The following AOAH variants were observed in gnomAD, a reference collection of about 807,000 sequenced individuals.
AOAH encodes acyloxyacyl hydrolase (neutrophil).
A neutral mutation model predicts 92.2 loss-of-function variants in AOAH; 64 were observed. The observed-to-expected ratio is 0.69, with a 90% CI of 0.57 to 0.86. AOAH has a LOEUF of 0.86. Among genes scored for constraint, AOAH ranks in the 40% least tolerant of loss-of-function variants. The pLI is 0.00. For synonymous variants in AOAH, 263 were observed against 254.5 expected (o/e 1.03, Z -0.32); for missense variants, 656 against 694.6 (o/e 0.94, Z 0.62).
intron 16 of AOAH, 58 bp downstream of exon 16, chr7:36,540,261 C>A: frequency 4.1e-6 from 6 of 1,448,904 alleles, no homozygotes; most frequent in Non-Finnish European, 4.7e-6. Context: ...ACCATATATA[C>A]ATTGAACTGT....
intron 1 of AOAH, among the ~76,000 whole-genome samples, chr7:36,718,523 A>G (rs912477601): frequency 6.6e-6 from 1 of 152,242 alleles, no homozygotes; most frequent in Non-Finnish European, 1.5e-5. Flanking sequence ...TAGCAGAATT[A>G]TTCATAATTA....
At chr7:36,592,428 T>C (rs1478166480) in intron 12 of AOAH, among the ~76,000 whole-genome samples, 3 of 152,126 alleles carry the variant, frequency 2.0e-5, no homozygotes, top group Non-Finnish European at 4.4e-5. Context: ...GTCACTGAAA[T>C]AGTGCAGGCC....
At chr7:36,530,152 CT>C (rs1418952721) in intron 19 of AOAH, among the ~76,000 whole-genome samples, 16 of 152,210 alleles carry the variant, frequency 1.1e-4, no homozygotes. Flanking sequence ...GCTCAAAGCT[CT>C]TTCTAACCAG....
intron 20 of AOAH, 46 bp from the exon 21 acceptor site, chr7:36,513,426 A>T: frequency 1.3e-6 from 2 of 1,586,172 alleles, no homozygotes; most frequent in Non-Finnish European, 1.7e-6. Flanking sequence ...AATTAGGACA[A>T]ATCACTTACC....
intron 6 of AOAH, among the ~76,000 whole-genome samples, chr7:36,628,809 G>A (rs984653910): frequency 6.6e-6 from 1 of 152,184 alleles, no homozygotes; most frequent in Non-Finnish European, 1.5e-5. Context: ...AGACACGCAG[G>A]TCTTGTCTCT....
chr7:36,616,678 T>C (rs1178721441), intron 10 of AOAH, among the ~76,000 whole-genome samples: 1 of 152,180 alleles, frequency 6.6e-6, no homozygotes. Context: ...TTGGAGCTGC[T>C]AGCTAAGATG....
At chr7:36,713,026 C>T (rs1434010092) in intron 1 of AOAH, among the ~76,000 whole-genome samples, 2 of 142,330 alleles carry the variant, frequency 1.4e-5, no homozygotes, top group Non-Finnish European at 3.1e-5. Flanking sequence ...AATTAAAAGA[C>T]ACAGACTGGC....
intron 1 of AOAH, among the ~76,000 whole-genome samples, chr7:36,689,471 G>T (rs1797252530): frequency 6.6e-6 from 1 of 152,186 alleles, no homozygotes; most frequent in Non-Finnish European, 1.5e-5. Context: ...GGCACCTTCT[G>T]CTGCATCCTC....
intron 10 of AOAH, among the ~76,000 whole-genome samples, chr7:36,617,907 A>G (rs941843173): frequency 1.3e-5 from 2 of 152,250 alleles, no homozygotes; most frequent in African/African-American, 4.8e-5. Context: ...TCCCACCAGT[A>G]GAAGTCCGGG....
intron 13 of AOAH, among the ~76,000 whole-genome samples, chr7:36,553,657 T>C (rs889763527): frequency 1.4e-4 from 21 of 152,240 alleles, no homozygotes; most frequent in African/African-American, 5.1e-4. Context: ...TGTTGTTTCC[T>C]GACTTTTTAA....
At chr7:36,722,521 G>C (rs954610286) in intron 1 of AOAH, among the ~76,000 whole-genome samples, 1 of 152,190 alleles carries the variant, frequency 6.6e-6, no homozygotes, top group African/African-American at 2.4e-5. Flanking sequence ...GTGGCAAATA[G>C]TTATTTAAGG....
intron 6 of AOAH, among the ~76,000 whole-genome samples, chr7:36,629,709 T>C (rs1436304910): frequency 6.6e-6 from 1 of 152,150 alleles, no homozygotes; most frequent in Admixed American, 6.5e-5. Context: ...AGGCTCCAAA[T>C]GTGGGTCTGA....
intron 2 of AOAH, among the ~76,000 whole-genome samples, chr7:36,678,612 C>CGCGCGCGCGCGCGCGT (rs1237289188): frequency 9.0e-6 from 1 of 111,554 alleles, no homozygotes; most frequent in African/African-American, 3.4e-5. Flanking sequence ...CGCGCGCGCG[C>CGCGCGCGCGCGCGCGT]GCGTTAGAAT....
chr7:36,656,235 C>A (rs559421727), intron 4 of AOAH, among the ~76,000 whole-genome samples: 4 of 152,272 alleles, frequency 2.6e-5, no homozygotes, highest in Non-Finnish European at 5.9e-5. Flanking sequence ...TCACCCAACA[C>A]GGGATGAAAC....
At chr7:36,558,743 A>C (rs546904690) in intron 13 of AOAH, among the ~76,000 whole-genome samples, 1 of 152,244 alleles carries the variant, frequency 6.6e-6, no homozygotes, top group South Asian at 2.1e-4. Context: ...TGTGCTAGCA[A>C]TCAGCGAGAC....
chr7:36,618,227 C>G, intron 10 of AOAH, 70 bp downstream of exon 10: 1 of 1,404,808 alleles, frequency 7.1e-7, no homozygotes, highest in East Asian at 2.3e-5. Context: ...GTGGTCTGCT[C>G]ACTTCAATTT....
At chr7:36,711,604 T>C (rs887385984) in intron 1 of AOAH, among the ~76,000 whole-genome samples, 4 of 152,070 alleles carry the variant, frequency 2.6e-5, no homozygotes. Flanking sequence ...TTAAATGCAA[T>C]GATAATTTAA....
At chr7:36,592,442 C>T (rs1429090185) in intron 12 of AOAH, among the ~76,000 whole-genome samples, 1 of 152,136 alleles carries the variant, frequency 6.6e-6, no homozygotes, top group African/African-American at 2.4e-5. Flanking sequence ...GCAGGCCACA[C>T]CTCTACATGG....
At chr7:36,633,522 G>A (rs985075486) in intron 5 of AOAH, among the ~76,000 whole-genome samples, 2 of 152,164 alleles carry the variant, frequency 1.3e-5, no homozygotes, top group Non-Finnish European at 1.5e-5. Flanking sequence ...GGGAGTGCCC[G>A]AGCAGTGCTG....
Sources: gnomAD v4.1 joint callset for allele counts (sites outside exome capture counted in the v4.1 genomes callset) on GRCh38, gnomAD v4.1.1 for gene constraint, MANE v1.5 for transcripts, NCBI Gene and HGNC (gene_info 2026-07-23, HGNC 2026-07-21) for gene names.